Variants in C10orf90 observed in about 807,000 individuals in gnomAD.
C10orf90 encodes (E2-independent) E3 ubiquitin-conjugating enzyme FATS.
C10orf90 carries 56 observed loss-of-function variants against 62.5 expected under a neutral mutation model. That is an observed-to-expected ratio of 0.90 (90% CI 0.72 to 1.12). The LOEUF (loss-of-function observed/expected upper bound fraction) is 1.12. C10orf90 is among the 50% of genes most tolerant of loss of function. The pLI is 0.00. For synonymous variants in C10orf90, 386 were observed against 340.4 expected (o/e 1.13, Z -1.47); for missense variants, 970 against 880.4 (o/e 1.10, Z -1.29).
chr10:126,547,640 G>T (rs549671395), intron 2 of C10orf90, among the ~76,000 whole-genome samples: 53 of 151,906 alleles, frequency 3.5e-4, no homozygotes, highest in African/African-American at 1.2e-3. Flanking sequence ...AAATGAAAAA[G>T]CCTCAGCAAA....
At chr10:126,635,361 TGCGGGGAGAAGAGGG>T (rs1324602983) in intron 2 of C10orf90, among the ~76,000 whole-genome samples, 1 of 151,610 alleles carries the variant, frequency 6.6e-6, no homozygotes, top group Admixed American at 6.6e-5. Flanking sequence ...GCATGGGGGG[TGCGGGGAGAAGAGGG>T]GCCAGGAACC....
chr10:126,635,584 C>G (rs749077950), intron 2 of C10orf90, among the ~76,000 whole-genome samples: 1 of 152,200 alleles, frequency 6.6e-6, no homozygotes, highest in Admixed American at 6.5e-5. Context: ...TCCAGATTAA[C>G]GAGATGCAAT....
chr10:126,459,423 C>T (rs1001244487), intron 6 of C10orf90, among the ~76,000 whole-genome samples: 2 of 152,322 alleles, frequency 1.3e-5, no homozygotes, highest in Non-Finnish European at 2.9e-5. Context: ...GGGGGTCAGG[C>T]CTGGCCAGCG....
At chr10:126,623,839 TCAAAA>T (rs776950449) in intron 2 of C10orf90, among the ~76,000 whole-genome samples, 8 of 136,664 alleles carry the variant, frequency 5.9e-5, no homozygotes, top group Admixed American at 7.3e-5. Flanking sequence ...AGACTCCATC[TCAAAA>T]AAAAAAAAAA....
chr10:126,433,907 A>T (rs950934111), intron 7 of C10orf90, among the ~76,000 whole-genome samples: 8 of 152,164 alleles, frequency 5.3e-5, no homozygotes, highest in Non-Finnish European at 4.4e-5. Flanking sequence ...GAGGGAAGAG[A>T]CTACAGTTGT....
chr10:126,579,054 A>C (rs1423502978), intron 2 of C10orf90, among the ~76,000 whole-genome samples: 12 of 151,424 alleles, frequency 7.9e-5, no homozygotes, highest in Admixed American at 7.9e-4. Flanking sequence ...AGTGTACTTC[A>C]ATTAAAAGTT....
At chr10:126,454,886 G>A (rs1590932254) in intron 7 of C10orf90, among the ~76,000 whole-genome samples, 1 of 152,104 alleles carries the variant, frequency 6.6e-6, no homozygotes, top group African/African-American at 2.4e-5. Flanking sequence ...AATTGCACAG[G>A]TAGAGCCCTG....
At position 126,583,194 on chromosome 10, in the gene C10orf90, C is replaced by T. The variant is rs542554988; in HGVS notation, c.313+63371G>A. 7.2e-5 allele frequency among the ~76,000 whole-genome samples: 11 copies of T among 152,304 alleles called. 1 individual carries two copies. The South Asian group carries it at 2.3e-3, about 32-fold the overall frequency. On this transcript the variant is annotated intron_variant, in intron 2 of 9. Transcript: ENST00000488181. ...TGCTTTAAAGATAGAAACAATAGGCCACTTTGCCAAAACAAACTGCAAGAA... is the reference window on the plus strand; with the variant it reads ...TGCTTTAAAGATAGAAACAATAGGCTACTTTGCCAAAACAAACTGCAAGAA...
At chr10:126,450,976 A>G (rs544466554) in intron 7 of C10orf90, among the ~76,000 whole-genome samples, 1 of 152,324 alleles carries the variant, frequency 6.6e-6, no homozygotes, top group African/African-American at 2.4e-5. Flanking sequence ...ATATATAAGG[A>G]ACTCAGACAA....
At chr10:126,638,802 CG>C (rs1175810655) in intron 2 of C10orf90, among the ~76,000 whole-genome samples, 1 of 152,198 alleles carries the variant, frequency 6.6e-6, no homozygotes, top group Non-Finnish European at 1.5e-5. Context: ...TGTGTTCACA[CG>C]GTTCCTCAGT....
chr10:126,446,174 TA>T (rs959751010), intron 7 of C10orf90, among the ~76,000 whole-genome samples: 9 of 152,104 alleles, frequency 5.9e-5, no homozygotes, highest in South Asian at 2.1e-4. Flanking sequence ...TCTTTTTTTT[TA>T]AAGAAGTTTA....
chr10:126,549,734 T>C (rs1430262491), intron 2 of C10orf90, among the ~76,000 whole-genome samples: 1 of 129,836 alleles, frequency 7.7e-6, no homozygotes, highest in Non-Finnish European at 1.6e-5. Context: ...AACATCTTTA[T>C]TCATAATAGC....
At chr10:126,600,186 T>TGC (rs1845171460) in intron 2 of C10orf90, among the ~76,000 whole-genome samples, 1 of 152,134 alleles carries the variant, frequency 6.6e-6, no homozygotes, top group African/African-American at 2.4e-5. Flanking sequence ...CACACGTGTG[T>TGC]GTGCATCGCA....
intron 2 of C10orf90, among the ~76,000 whole-genome samples, chr10:126,533,843 A>G (rs1864166621): frequency 6.6e-6 from 1 of 152,242 alleles, no homozygotes; most frequent in South Asian, 2.1e-4. Context: ...AACAAGTGGC[A>G]GCTGCCAATA....
intron 2 of C10orf90, among the ~76,000 whole-genome samples, chr10:126,567,454 G>T (rs567799836): frequency 6.6e-6 from 1 of 152,278 alleles, no homozygotes; most frequent in South Asian, 2.1e-4. Context: ...CACTGGAGAT[G>T]ACAATTTGAC....
chr10:126,448,495 A>G (rs1858952055), intron 7 of C10orf90, among the ~76,000 whole-genome samples: 1 of 152,166 alleles, frequency 6.6e-6, no homozygotes, highest in African/African-American at 2.4e-5. Context: ...TAGAAAAACA[A>G]GAACAAGCTA....
At position 126,504,157 on chromosome 10, in the gene C10orf90, G is replaced by T. The variant is rs1402579656; in HGVS notation, c.1334C>A (p.Pro445Gln). The change falls in exon 4 of 10, where the codon CCA becomes CAA. Residue 445 changes from proline (P) to glutamine (Q), a missense_variant. Physicochemically the swap from Pro to Gln is moderately conservative, Grantham distance 76. Coordinates refer to ENST00000488181, the MANE Select transcript of C10orf90 (RefSeq NM_001350921.2). The surrounding 1 kb of genome is among the most constrained non-coding windows in gnomAD (Gnocchi z 4.1). ...CCCCAAATGCACCCGCCTCAACGAT[G>T]GGGTTTCCTTCAAGTGACTTTCTTG... Reference protein sequence around the residue: ...GLQESHLKETPSLRRVHLGTG... With the variant: ...GLQESHLKETQSLRRVHLGTG... 2.5e-6 allele frequency: 4 copies of T among 1,614,030 alleles called. No homozygotes were observed. In the East Asian group the frequency reaches 8.9e-5, roughly 36 times the overall value.
chr10:126,586,176 A>G (rs1844866525), intron 2 of C10orf90, among the ~76,000 whole-genome samples: 1 of 152,258 alleles, frequency 6.6e-6, no homozygotes, highest in Non-Finnish European at 1.5e-5. Flanking sequence ...TTGTGCTACT[A>G]TAACATTTAC....
intron 3 of C10orf90, among the ~76,000 whole-genome samples, chr10:126,506,919 AGTGTGT>A (rs61651582): frequency 3.3e-5 from 5 of 149,426 alleles, no homozygotes; most frequent in East Asian, 2.0e-4. Flanking sequence ...CAGGAGGGCC[AGTGTGT>A]GTGTGTGTGT....
Sources: allele counts gnomAD v4.1 joint callset (sites outside exome capture counted in the v4.1 genomes callset), GRCh38; gene constraint gnomAD v4.1.1; non-coding constraint Gnocchi (gnomAD v3.1); transcripts MANE v1.5; gene names NCBI Gene and HGNC (gene_info 2026-07-23, HGNC 2026-07-21).